The following ADARB2 variants were observed in gnomAD, a reference collection of about 807,000 sequenced individuals.
ADARB2 encodes the protein inactive double-stranded RNA-specific editase B2.
ADARB2 carries 25 observed loss-of-function variants against 62.2 expected under a neutral mutation model. That is an observed-to-expected ratio of 0.40 (90% CI 0.29 to 0.56). ADARB2 has a LOEUF of 0.56. Among genes scored for constraint, ADARB2 ranks in the 20% least tolerant of loss-of-function variants. The pLI, the probability that ADARB2 is intolerant of heterozygous loss-of-function variation, is 0.43. For missense variants in ADARB2, 1,071 were observed against 1,077.4 expected (o/e 0.99, Z 0.08); for synonymous variants, 572 against 500.8 (o/e 1.14, Z -1.90).
chr10:1,702,721 A>G (rs7901963), intron 1 of ADARB2, among the ~76,000 whole-genome samples: 147,255 of 152,288 alleles, frequency 0.97, 71,406 homozygotes, highest in East Asian at 1. Flanking sequence ...CCCACATTTG[A>G]GAATGAATGC....
chr10:1,266,558 G>A (rs1831206085), intron 4 of ADARB2, among the ~76,000 whole-genome samples: 1 of 152,128 alleles, frequency 6.6e-6, no homozygotes. Flanking sequence ...TGAGCTGATG[G>A]AAATGGGCCC....
chr10:1,189,523 C>T (rs1486085732), intron 8 of ADARB2, among the ~76,000 whole-genome samples: 1 of 152,100 alleles, frequency 6.6e-6, no homozygotes, highest in Non-Finnish European at 1.5e-5. Context: ...TTAATTTTAA[C>T]TCCTGTGGCT....
At position 1,200,055 on chromosome 10, in the gene ADARB2, G is replaced by A. The variant is rs1480917504; in HGVS notation, c.1775C>T (p.Thr592Met). Residue 592 changes from threonine to methionine, a missense_variant, in exon 8 of 10, where the codon ACG (threonine) becomes ATG (methionine). Thr to Met is a moderately conservative substitution (Grantham distance 81). Coordinates refer to ENST00000381312, the MANE Select transcript of ADARB2 (RefSeq NM_018702.4). ...QSIVVGSLHHTGHLARVMSHR... is the reference protein window; with the variant it reads ...QSIVVGSLHHMGHLARVMSHR... The stretch of plus-strand genomic sequence containing the variant: ...GCTCATGACGCGTGCGAGGTGGCCC[G>A]TGTGGTGCAGGCTGCCCACCACGAT... The A allele has an allele frequency of 4.4e-6, 7 of 1,592,630 alleles. No homozygotes were observed. The highest frequency in any genetic ancestry group is 2.7e-5 in the African/African-American group (2 of 74,796).
At chr10:1,540,336 C>A (rs548760836) in intron 1 of ADARB2, among the ~76,000 whole-genome samples, 1 of 138,876 alleles carries the variant, frequency 7.2e-6, no homozygotes, top group Non-Finnish European at 1.6e-5. Context: ...ACCGAGGGCA[C>A]GTCAGGCAAC....
At chr10:1,222,210 G>A (rs920320495) in intron 6 of ADARB2, among the ~76,000 whole-genome samples, 1 of 152,170 alleles carries the variant, frequency 6.6e-6, no homozygotes, top group African/African-American at 2.4e-5. Context: ...CTGCATAAAT[G>A]TCTTTTTTTG....
chr10:1,699,069 C>CT (rs1588357104), intron 1 of ADARB2, among the ~76,000 whole-genome samples: 1 of 152,202 alleles, frequency 6.6e-6, no homozygotes, highest in African/African-American at 2.4e-5. Flanking sequence ...CTGCAAATGA[C>CT]TTTTTTTAAA....
intron 1 of ADARB2, among the ~76,000 whole-genome samples, chr10:1,688,351 C>T (rs937607510): frequency 6.6e-6 from 1 of 152,218 alleles, no homozygotes; most frequent in Non-Finnish European, 1.5e-5. Flanking sequence ...CTCGTTGCTG[C>T]CCTGACCTCC....
intron 1 of ADARB2, among the ~76,000 whole-genome samples, chr10:1,639,104 G>A (rs1372751641): frequency 6.6e-6 from 1 of 152,236 alleles, no homozygotes; most frequent in Non-Finnish European, 1.5e-5. Context: ...ATCTCCTAAA[G>A]CTGGAGCACT....
At chr10:1,311,937 C>T (rs1831695822) in intron 3 of ADARB2, among the ~76,000 whole-genome samples, 1 of 152,184 alleles carries the variant, frequency 6.6e-6, no homozygotes, top group Non-Finnish European at 1.5e-5. Context: ...AGAGTCTGTA[C>T]TCACTGAAGT....
chr10:1,531,085 C>G (rs1832228926), intron 1 of ADARB2, among the ~76,000 whole-genome samples: 1 of 152,246 alleles, frequency 6.6e-6, no homozygotes, highest in Non-Finnish European at 1.5e-5. Flanking sequence ...GCCATGATAG[C>G]TGGCGATCCA....
At chr10:1,683,563 G>T (rs1481533735) in intron 1 of ADARB2, among the ~76,000 whole-genome samples, 1 of 152,144 alleles carries the variant, frequency 6.6e-6, no homozygotes, top group Non-Finnish European at 1.5e-5. Flanking sequence ...CCTCAGATCC[G>T]CTTGGGTCTT....
intron 1 of ADARB2, among the ~76,000 whole-genome samples, chr10:1,717,774 C>T (rs934096551): frequency 2.0e-5 from 3 of 151,944 alleles, no homozygotes; most frequent in South Asian, 2.1e-4. Context: ...GATGGGGTTT[C>T]GTCATGTAGG....
chr10:1,634,715 G>A (rs893595611), intron 1 of ADARB2, among the ~76,000 whole-genome samples: 2 of 152,158 alleles, frequency 1.3e-5, no homozygotes, highest in Non-Finnish European at 2.9e-5. Flanking sequence ...GATACACTCT[G>A]AAGAGTTATA....
chr10:1,601,349 G>C (rs1833410641), intron 1 of ADARB2, among the ~76,000 whole-genome samples: 1 of 152,130 alleles, frequency 6.6e-6, no homozygotes, highest in South Asian at 2.1e-4. Flanking sequence ...CTGCAGTGTG[G>C]GTCTAAGTTA....
chr10:1,493,899 G>A (rs111556412), intron 1 of ADARB2, among the ~76,000 whole-genome samples: 27,765 of 151,420 alleles, frequency 0.18, 2,999 homozygotes, highest in Non-Finnish European at 0.25. Flanking sequence ...GGGATTACAG[G>A]CGTGCGCCAC....
intron 3 of ADARB2, among the ~76,000 whole-genome samples, chr10:1,285,270 A>G (rs988101386): frequency 2.6e-5 from 4 of 151,676 alleles, no homozygotes; most frequent in African/African-American, 9.7e-5. Flanking sequence ...CATGCCTCCC[A>G]GGAAAGAGCT....
At chr10:1,244,896 C>T (rs1029757908) in intron 4 of ADARB2, among the ~76,000 whole-genome samples, 14 of 152,216 alleles carry the variant, frequency 9.2e-5, no homozygotes, top group African/African-American at 2.2e-4. Context: ...TTCTACGGGC[C>T]GTTGGAGCCC....
intron 6 of ADARB2, among the ~76,000 whole-genome samples, chr10:1,227,372 C>T (rs543088098): frequency 4.6e-5 from 7 of 152,336 alleles, no homozygotes; most frequent in South Asian, 2.1e-4. Flanking sequence ...GGCGATGCCT[C>T]GCCCTGTTTC....
At chr10:1,679,387 C>T (rs75035476) in intron 1 of ADARB2, among the ~76,000 whole-genome samples, 9,433 of 152,198 alleles carry the variant, frequency 0.062, 320 homozygotes, top group Middle Eastern at 0.085. Context: ...CCTGAATTGT[C>T]TCATCAGACA....
Sources: allele counts gnomAD v4.1 joint callset (sites outside exome capture counted in the v4.1 genomes callset), GRCh38; gene constraint gnomAD v4.1.1; transcripts MANE v1.5; gene names NCBI Gene and HGNC (gene_info 2026-07-23, HGNC 2026-07-21).